MPP1: variants seen among roughly 807,000 people sequenced by gnomAD.
The protein encoded by MPP1 is MAGUK p55 scaffold protein 1.
In MPP1, 6 loss-of-function variants were observed where a neutral mutation model predicts 38.2. That is an observed-to-expected ratio of 0.16 (90% confidence interval 0.09 to 0.31). The LOEUF (loss-of-function observed/expected upper bound fraction) is 0.31, where lower values mean the gene tolerates loss of function less well. Ranked by LOEUF, MPP1 falls within the 10% of genes least tolerant of loss-of-function variation. MPP1 has a pLI of 1.00. For missense variants in MPP1, 293 were observed against 368.9 expected (o/e 0.79, Z 1.69); for synonymous variants, 153 against 146.3 (o/e 1.05, Z -0.33).
chrX:154,784,198 T>A (rs1422260725), intron 7 of MPP1, 90 bp from the exon 8 acceptor site: 2 of 704,254 alleles, frequency 2.8e-6, no homozygotes, highest in Admixed American at 5.3e-5. Context: ...CCTCGCGACA[T>A]CTCAACAAGC....
At chrX:154,792,475 G>A in intron 1 of MPP1, 190 bp from the exon 2 acceptor site, 2 of 448,627 alleles carry the variant, frequency 4.5e-6, no homozygotes, top group East Asian at 7.8e-5. Flanking sequence ...TGTCAGCCAA[G>A]TGTGGTGGTG....
At chrX:154,780,192 CTGTCTT>C (rs1293469083) in intron 11 of MPP1, among the ~76,000 whole-genome samples, 1 of 112,786 alleles carries the variant, frequency 8.9e-6, no homozygotes, top group African/African-American at 3.2e-5. Context: ...TCTCAGGACT[CTGTCTT>C]TGACCTAAAA....
At chrX:154,802,051 T>C (rs1356543886) in intron 1 of MPP1, among the ~76,000 whole-genome samples, 1 of 111,956 alleles carries the variant, frequency 8.9e-6, no homozygotes, top group Admixed American at 9.4e-5. Flanking sequence ...TCAGTGATCA[T>C]GCACACCGTA....
In MPP1 at chrX:154,786,329, C is replaced by A. The variant is rs782615038; in HGVS notation, c.552G>T (p.Leu184=). Residue 184 remains leucine (L), a synonymous_variant, in exon 6 of 12, where the codon CTG becomes CTT. Transcript: ENST00000369534. The stretch of plus-strand genomic sequence containing the variant: ...GGATAATGTCCCCAGTAGCAAACTT[C>A]AGTCCCGCCTCCTTGCAAGGGATCA... ...DNLIPCKEAG[L]KFATGDIIQI... is the part of the protein sequence containing the mutation. 6 of 1,209,939 alleles carry A rather than the reference C, an allele frequency of 5.0e-6. No individual in the cohort carries two copies. The African/African-American group carries it at 1.1e-4, about 21-fold the overall frequency.
At chrX:154,796,952 G>A (rs1278122066) in intron 1 of MPP1, among the ~76,000 whole-genome samples, 1 of 111,843 alleles carries the variant, frequency 8.9e-6, no homozygotes, top group Admixed American at 9.5e-5. Context: ...TGAGGCTGAG[G>A]CAGGAGGATC....
Position 154,785,211 on chromosome X carries a change from C to CA in MPP1, c.678-55_678-54insT, listed in dbSNP as rs1461420048. 196 of 910,963 alleles carry CA rather than the reference C, an allele frequency of 2.2e-4. No homozygotes were observed. The East Asian group carries it at 4.0e-3, about 18-fold the overall frequency. 75.1% of individuals were successfully genotyped at this position (910,963 alleles called of 1,213,427 possible). On this transcript the variant is annotated intron_variant, in intron 6 of 11. Transcript: ENST00000369534. The stretch of plus-strand genomic sequence containing the variant: ...GCTTTCCTCCCCCTCCCCTCATACC[C>CA]CCCCCAGCCACTCAGTCTCTAATGG...
At chrX:154,793,564 G>A (rs1387685314) in intron 1 of MPP1, among the ~76,000 whole-genome samples, 1 of 112,041 alleles carries the variant, frequency 8.9e-6, no homozygotes, top group African/African-American at 3.2e-5. Flanking sequence ...ACAGCAACAT[G>A]TTAACTGTAG....
At chrX:154,791,242 C>T (rs2072139151) in intron 3 of MPP1, 174 bp from the exon 4 acceptor site, 1 of 444,335 alleles carries the variant, frequency 2.3e-6, no homozygotes, top group African/African-American at 2.5e-5. Context: ...ATGGTCTCAT[C>T]CTCCTTGGCC....
chrX:154,799,612 A>G, intron 1 of MPP1: 1 of 632,287 alleles, frequency 1.6e-6, no homozygotes, highest in Non-Finnish European at 2.3e-6. Context: ...AGCAGCCACC[A>G]TCATCTGTAG....
chrX:154,801,557 G>A (rs1479818017), intron 1 of MPP1, among the ~76,000 whole-genome samples: 6 of 109,254 alleles, frequency 5.5e-5, no homozygotes, highest in Admixed American at 2.9e-4. Context: ...TCAGGAGTTC[G>A]AGACCAGCCC....
At chrX:154,805,001 G>A (rs1452840610) in intron 1 of MPP1, among the ~76,000 whole-genome samples, 1 of 113,017 alleles carries the variant, frequency 8.8e-6, no homozygotes, top group Non-Finnish European at 1.9e-5. Context: ...AGTTTTCCTT[G>A]CCCTTAATAA....
chrX:154,803,283 C>T (rs949411655), intron 1 of MPP1, among the ~76,000 whole-genome samples: 3 of 112,700 alleles, frequency 2.7e-5, no homozygotes, highest in African/African-American at 9.7e-5. Flanking sequence ...AAGAGTCTCC[C>T]TCAGATGCTC....
intron 11 of MPP1, among the ~76,000 whole-genome samples, chrX:154,780,256 T>C (rs2071975862): frequency 8.9e-6 from 1 of 112,421 alleles, no homozygotes. Flanking sequence ...AAAGTAAAAA[T>C]GTCTGCATAG....
At chrX:154,795,731 C>T (rs2072188297) in intron 1 of MPP1, among the ~76,000 whole-genome samples, 1 of 111,489 alleles carries the variant, frequency 9.0e-6, no homozygotes, top group Admixed American at 9.5e-5. Flanking sequence ...CACCACTGCA[C>T]TCTAGCCTGG....
At chrX:154,781,499 T>C (rs1557266624) in intron 10 of MPP1, 101 bp downstream of exon 10, 4 of 968,668 alleles carry the variant, frequency 4.1e-6, no homozygotes, top group Non-Finnish European at 5.8e-6. Flanking sequence ...ATTAAAAGGC[T>C]GAAGCAATCC....
chrX:154,786,093 G>A, intron 6 of MPP1, 111 bp downstream of exon 6: 2 of 697,869 alleles, frequency 2.9e-6, no homozygotes, highest in Non-Finnish European at 4.3e-6. Context: ...AGGAAATCTA[G>A]GAGGTCTCCT....
rs2148526895 is a variant in MPP1, at chrX:154,785,145, A to G, written c.690T>C (p.Ser230=). 1 of 1,197,030 alleles carries G rather than the reference A, an allele frequency of 8.4e-7. No individual in the cohort carries two copies. The highest frequency in any genetic ancestry group is 1.1e-6 in the Non-Finnish European group (1 of 886,127). Residue 230 remains serine (S), a synonymous_variant, in exon 7 of 12, where the codon AGT becomes AGC. Coordinates refer to ENST00000369534, the MANE Select transcript of MPP1 (RefSeq NM_002436.4). ...CTTCGCTAGGAGCTGACTGAGCCAT[A>G]CTTGCCACTCGCCTGGTAGGAAAAG... is the stretch of plus-strand genomic sequence containing the variant. ...SPELQEWRVA[S]MAQSAPSEAP... is the part of the protein sequence containing the mutation.
chrX:154,796,102 T>C lies in MPP1; in HGVS notation c.103-3817A>G, dbSNP rs781816223. Among the ~76,000 whole-genome samples, 11 of 102,698 alleles carry C rather than the reference T, an allele frequency of 1.1e-4. No homozygotes were observed. The South Asian group carries it at 6.1e-3, about 57-fold the overall frequency. The allele number at this position is 102,698 out of a possible 115,157, so 89.2% of individuals were successfully genotyped here. A position where few individuals can be genotyped will look rare whatever the true frequency, so the allele number is the denominator to read the frequency against. On this transcript the variant is annotated intron_variant, in intron 1 of 11. Transcript: ENST00000369534. Reference sequence around the variant, plus strand: ...AGTCATCAGGGTTGAAGGATTTCTTTCTCTTTGTTTTTTTTCCTTTTCTTT... The same window carrying C: ...AGTCATCAGGGTTGAAGGATTTCTTCCTCTTTGTTTTTTTTCCTTTTCTTT...
At chrX:154,802,118 G>C (rs374129809) in intron 1 of MPP1, among the ~76,000 whole-genome samples, 1 of 112,110 alleles carries the variant, frequency 8.9e-6, no homozygotes, top group Non-Finnish European at 1.9e-5. Context: ...CTTGGTGTCC[G>C]TGCACAGGCT....
Sources: gnomAD v4.1 joint callset for allele counts (sites outside exome capture counted in the v4.1 genomes callset) on GRCh38, gnomAD v4.1.1 for gene constraint, MANE v1.5 for transcripts, NCBI Gene and HGNC (gene_info 2026-07-23, HGNC 2026-07-21) for gene names.